The following CHD7 variants were observed in gnomAD, a reference collection of about 807,000 sequenced individuals.
The protein encoded by CHD7 is chromodomain helicase DNA binding protein 7.
Under a neutral mutation model 307.3 loss-of-function variants are expected in CHD7, and 24 were observed. That is an observed-to-expected ratio of 0.08 (90% confidence interval 0.06 to 0.11). The LOEUF (loss-of-function observed/expected upper bound fraction) is 0.11. Among genes scored for constraint, CHD7 ranks in the 10% least tolerant of loss-of-function variants. The probability of loss-of-function intolerance (pLI) is 1.00; values close to 1 mark genes in which losing one functional copy is unlikely to be tolerated. For synonymous variants in CHD7, 1,363 were observed against 1,349.9 expected (o/e 1.01, Z -0.21); for missense variants, 3,106 against 3,727.1 (o/e 0.83, Z 4.34).
intron 1 of CHD7, among the ~76,000 whole-genome samples, chr8:60,693,744 C>T (rs941655689): frequency 1.3e-5 from 2 of 152,230 alleles, no homozygotes; most frequent in Admixed American, 6.5e-5. Context: ...GGCGGGACAC[C>T]GTGGGTTAGC....
At chr8:60,816,284 G>T (rs112758489) in intron 7 of CHD7, 103 bp from the exon 8 acceptor site, 1 of 672,718 alleles carries the variant, frequency 1.5e-6, no homozygotes, top group South Asian at 1.8e-5. Context: ...GGGTAATTAA[G>T]CAGGTTATTT....
chr8:60,800,222 C>T (rs1812232824), intron 4 of CHD7, among the ~76,000 whole-genome samples, 166 bp from the exon 5 acceptor site: 1 of 152,122 alleles, frequency 6.6e-6, no homozygotes, highest in Admixed American at 6.5e-5. Flanking sequence ...TTAGTAGAGA[C>T]GGTGTTTCAC....
At chr8:60,695,142 T>G (rs1796367797) in intron 1 of CHD7, among the ~76,000 whole-genome samples, 1 of 151,986 alleles carries the variant, frequency 6.6e-6, no homozygotes. Flanking sequence ...AGAAGTAAGG[T>G]TGACATTTGG....
chr8:60,837,910 C>T, intron 18 of CHD7, 75 bp downstream of exon 18: 1 of 1,403,706 alleles, frequency 7.1e-7, no homozygotes, highest in East Asian at 2.4e-5. Context: ...AGAAATTACT[C>T]AGCCTTTGAT....
At chr8:60,687,455 T>C (rs1314715178) in intron 1 of CHD7, among the ~76,000 whole-genome samples, 1 of 152,250 alleles carries the variant, frequency 6.6e-6, no homozygotes, top group East Asian at 1.9e-4. Context: ...TGTTCTTGTA[T>C]ACTTGGCCTT....
At chr8:60,853,987 C>T (rs778526065) in intron 31 of CHD7, among the ~76,000 whole-genome samples, 4 of 152,206 alleles carry the variant, frequency 2.6e-5, no homozygotes, top group Non-Finnish European at 5.9e-5. Context: ...AAATAGAGCA[C>T]GTACTGTGCT....
At chr8:60,776,733 C>T (rs1461692522) in intron 2 of CHD7, among the ~76,000 whole-genome samples, 1 of 152,138 alleles carries the variant, frequency 6.6e-6, no homozygotes, top group African/African-American at 2.4e-5. Flanking sequence ...CTTGCCGAAA[C>T]GTTGCTAAAT....
chr8:60,832,530 A>G (rs1804566353), intron 15 of CHD7, among the ~76,000 whole-genome samples: 1 of 152,222 alleles, frequency 6.6e-6, no homozygotes, highest in Non-Finnish European at 1.5e-5. Flanking sequence ...ACGTGTGTGC[A>G]TGCACTGTGC....
At chr8:60,841,787 G>C (rs1472742002) in intron 20 of CHD7, 33 bp downstream of exon 20, 1 of 1,607,790 alleles carries the variant, frequency 6.2e-7, no homozygotes, top group East Asian at 2.2e-5. Context: ...ACACCTATCT[G>C]ATCTAAACCA....
At chr8:60,818,328 A>G (rs73253024) in intron 8 of CHD7, among the ~76,000 whole-genome samples, 76 of 152,298 alleles carry the variant, frequency 5.0e-4, no homozygotes, top group African/African-American at 1.7e-3. Flanking sequence ...CACATGTGTG[A>G]TGCCGCAGAT....
At chr8:60,775,671 T>A (rs1396791622) in intron 2 of CHD7, among the ~76,000 whole-genome samples, 1 of 152,192 alleles carries the variant, frequency 6.6e-6, no homozygotes, top group Admixed American at 6.5e-5. Context: ...CTTAGGACAC[T>A]CTCTGTACTG....
Position 60,800,406 on chromosome 8 carries a change from C to G in CHD7, c.2257C>G (p.Gln753Glu). Residue 753 changes from glutamine (Q) to glutamate (E), a missense_variant, in exon 5 of 38, where the codon CAG (glutamine) becomes GAG (glutamate). This residue lies in a region of CHD7 where 998 missense variants were observed against 1,004.5 expected (regional missense o/e 0.99). Coordinates refer to ENST00000423902, the MANE Select transcript of CHD7 (RefSeq NM_017780.4). ...PGVQKRRSSR[Q>E]VKRKRYTEDL... ...GTTTTAGAAGAGACGGTCCAGCAGA[C>G]AGGTGAAGAGAAAGCGCTACACTGA... 6.2e-7 allele frequency: 1 copy of G among 1,613,560 alleles called. No individual in the cohort carries two copies. The highest frequency in any genetic ancestry group is 8.5e-7 in the Non-Finnish European group (1 of 1,179,680).
rs574506176 is a variant in CHD7, at chr8:60,784,503, T to G, written c.2096+3073T>G. 3.9e-5 allele frequency among the ~76,000 whole-genome samples: 6 copies of G among 152,170 alleles called. No individual in the cohort carries two copies. In the South Asian group the frequency reaches 1.2e-3, roughly 32 times the overall value. On this transcript the variant is annotated intron_variant, in intron 3 of 37. Transcript: ENST00000423902. ...GGAGGTAAAGGAATCGGCCCGAGGG[T>G]GCTCTAGCTTTCTCTGTGCTGTGTC... is the stretch of plus-strand genomic sequence containing the variant.
At chr8:60,703,226 AT>A (rs1412102501) in intron 1 of CHD7, among the ~76,000 whole-genome samples, 1 of 152,208 alleles carries the variant, frequency 6.6e-6, no homozygotes, top group African/African-American at 2.4e-5. Context: ...CTAAATGCAT[AT>A]TCATAATGTT....
chr8:60,862,676 C>A, intron 37 of CHD7, 24 bp downstream of exon 37: 2 of 1,451,544 alleles, frequency 1.4e-6, no homozygotes, highest in African/African-American at 1.4e-5. Context: ...GCATTTCTAT[C>A]AAGAAAGGTA....
chr8:60,756,376 A>G (rs1042506051), intron 2 of CHD7, among the ~76,000 whole-genome samples: 4 of 152,320 alleles, frequency 2.6e-5, no homozygotes, highest in African/African-American at 9.6e-5. Context: ...ATTTTTTGGA[A>G]TAAATTTTTG....
At chr8:60,763,468 G>A (rs936855028) in intron 2 of CHD7, among the ~76,000 whole-genome samples, 2 of 151,978 alleles carry the variant, frequency 1.3e-5, no homozygotes, top group East Asian at 1.9e-4. Flanking sequence ...GGTGGGGAGC[G>A]GTCAGGGGAG....
Position 60,836,849 on chromosome 8 carries a change from G to A in CHD7, c.4022G>A (p.Arg1341Lys). Reference sequence around the variant, plus strand: ...TATGAAAGGATCGACGGCCGAGTAAGAGGCAACCTCCGCCAGGCAGCTATC... The same window carrying A: ...TATGAAAGGATCGACGGCCGAGTAAAAGGCAACCTCCGCCAGGCAGCTATC... ...YPYERIDGRV[R>K]GNLRQAAIDR... Residue 1341 changes from arginine to lysine, a missense_variant, in exon 17 of 38, where the codon AGA (arginine) becomes AAA (lysine). Around this residue, in one of 10 missense-constraint regions of CHD7, gnomAD observed 232 missense variants for 422.5 expected, o/e 0.55. Coordinates refer to ENST00000423902, the MANE Select transcript of CHD7 (RefSeq NM_017780.4). The A allele has an allele frequency of 6.2e-7, 1 of 1,613,874 alleles. No homozygotes were observed. Among genetic ancestry groups the A allele is most frequent in the Non-Finnish European group, 8.5e-7 (1 of 1,179,820 alleles).
chr8:60,844,179 C>A (rs960172507), intron 21 of CHD7, among the ~76,000 whole-genome samples: 3 of 152,204 alleles, frequency 2.0e-5, no homozygotes, highest in Non-Finnish European at 4.4e-5. Flanking sequence ...ACTGTTTAGC[C>A]TGGGATTATA....
Sources: gnomAD v4.1 joint callset for allele counts (sites outside exome capture counted in the v4.1 genomes callset) on GRCh38, gnomAD v4.1.1 for gene constraint, gnomAD v4.1.1 regional missense constraint, MANE v1.5 for transcripts, NCBI Gene and HGNC (gene_info 2026-07-23, HGNC 2026-07-21) for gene names.